GPHN: variants seen among roughly 807,000 people sequenced by gnomAD.
GPHN encodes gephyrin.
GPHN carries 17 observed loss-of-function variants against 95.5 expected under a neutral mutation model. That is an observed-to-expected ratio of 0.18 (90% CI 0.12 to 0.27). The LOEUF is 0.27. GPHN is among the 10% of genes least tolerant of loss of function. The probability of loss-of-function intolerance (pLI) is 1.00; values close to 1 mark genes in which losing one functional copy is unlikely to be tolerated. For missense variants in GPHN, 660 were observed against 978.1 expected (o/e 0.67, Z 4.34); for synonymous variants, 320 against 322.5 (o/e 0.99, Z 0.08).
chr14:67,387,223 T>C, the GPHN span: 620 of 1,104,760 alleles, frequency 5.6e-4, 5 homozygotes, highest in East Asian at 0.015. Flanking sequence ...TCCAAAGCAG[T>C]ACAAAACTTA....
chr14:67,383,019 G>A, the GPHN span, among the ~76,000 whole-genome samples: 16 of 152,070 alleles, frequency 1.1e-4, no homozygotes, highest in South Asian at 3.3e-3. Context: ...TCTATTTGTG[G>A]TCTTGAAAGA....
At chr14:66,789,882 C>T (rs1400644836) in intron 3 of GPHN, among the ~76,000 whole-genome samples, 4 of 152,166 alleles carry the variant, frequency 2.6e-5, no homozygotes, top group Non-Finnish European at 5.9e-5. Flanking sequence ...ATATTTCCTA[C>T]CCAGTTGTTA....
In GPHN at chr14:66,995,119, A is replaced by C. The variant is rs17248021; in HGVS notation, c.964-28514A>C. Among the ~76,000 whole-genome samples the C allele has an allele frequency of 0.015, 2,348 of 152,270 alleles. 151 individuals are homozygous for C. The East Asian group carries it at 0.21, about 14-fold the overall frequency. ...TTTGATACTTCCTGCAGTATTTGTA[A>C]ATAGAGAATACATACTTAACAACTT... On this transcript the variant is annotated intron_variant, in intron 9 of 22. Transcript: ENST00000478722.
intron 1 of GPHN, among the ~76,000 whole-genome samples, chr14:66,679,963 A>G (rs2066843480): frequency 2.0e-5 from 3 of 152,188 alleles, no homozygotes; most frequent in Non-Finnish European, 4.4e-5. Context: ...AATTTTCATC[A>G]TATACCAAAT....
At chr14:66,951,973 A>G (rs1207472154) in intron 8 of GPHN, among the ~76,000 whole-genome samples, 1 of 152,186 alleles carries the variant, frequency 6.6e-6, no homozygotes, top group Admixed American at 6.5e-5. Flanking sequence ...TTTTTACAGA[A>G]CAATGTTTTT....
intron 1 of GPHN, among the ~76,000 whole-genome samples, chr14:66,531,992 G>A (rs1196989275): frequency 2.0e-5 from 3 of 152,124 alleles, no homozygotes; most frequent in Non-Finnish European, 4.4e-5. Flanking sequence ...GCATTATAGT[G>A]TCCCACCGAA....
intron 5 of GPHN, among the ~76,000 whole-genome samples, chr14:66,899,288 T>G (rs1257277313): frequency 2.6e-5 from 4 of 151,908 alleles, no homozygotes; most frequent in African/African-American, 9.7e-5. Flanking sequence ...TAGCTAAAAC[T>G]TCCAGTGCTA....
intron 4 of GPHN, among the ~76,000 whole-genome samples, chr14:66,865,775 A>G (rs2063200863): frequency 6.6e-6 from 1 of 152,156 alleles, no homozygotes; most frequent in Non-Finnish European, 1.5e-5. Context: ...TCTCAATATA[A>G]AATAGTATTG....
the GPHN span, among the ~76,000 whole-genome samples, chr14:67,643,852 TAAAAAAAAAA>T: frequency 2.2e-4 from 18 of 81,216 alleles, no homozygotes; most frequent in East Asian, 8.3e-4. Context: ...TCCTTGGGAG[TAAAAAAAAAA>T]AAAAAAAAAA....
At chr14:66,723,288 TTATAAA>T (rs2070925396) in intron 2 of GPHN, among the ~76,000 whole-genome samples, 1 of 94,368 alleles carries the variant, frequency 1.1e-5, no homozygotes, top group Non-Finnish European at 1.6e-5. Flanking sequence ...GTTTATAACT[TTATAAA>T]TATAAACTTT....
chr14:66,911,586 C>T (rs867106140), intron 5 of GPHN, among the ~76,000 whole-genome samples: 2 of 151,918 alleles, frequency 1.3e-5, no homozygotes, highest in Non-Finnish European at 2.9e-5. Context: ...GTAGTAGGCA[C>T]ATCAGTGGGA....
At chr14:67,668,839 A>T in the GPHN span, among the ~76,000 whole-genome samples, 2 of 152,230 alleles carry the variant, frequency 1.3e-5, no homozygotes, top group Non-Finnish European at 2.9e-5. Flanking sequence ...ATGCTGATGC[A>T]GCTGGTTCAT....
At chr14:66,896,922 T>A (rs1314773020) in intron 5 of GPHN, among the ~76,000 whole-genome samples, 1 of 152,172 alleles carries the variant, frequency 6.6e-6, no homozygotes, top group Admixed American at 6.6e-5. Flanking sequence ...GAACACTGCT[T>A]AGTTTCTCAT....
intron 8 of GPHN, among the ~76,000 whole-genome samples, chr14:66,947,564 T>C (rs115429443): frequency 1.5e-3 from 227 of 152,318 alleles, no homozygotes; most frequent in African/African-American, 5.2e-3. Flanking sequence ...TGAAAACATA[T>C]GATGCATCAT....
At chr14:67,724,980 T>C in the GPHN span, 1 of 1,170,730 alleles carries the variant, frequency 8.5e-7, no homozygotes, top group South Asian at 1.2e-5. Flanking sequence ...ATGTTCACTC[T>C]ACCGTTGAAG....
intron 2 of GPHN, among the ~76,000 whole-genome samples, chr14:66,703,935 A>G: frequency 6.6e-6 from 1 of 151,650 alleles, no homozygotes; most frequent in Non-Finnish European, 1.5e-5. Flanking sequence ...AAAAGGATGG[A>G]GGAAAATACA....
intron 3 of GPHN, among the ~76,000 whole-genome samples, chr14:66,818,814 CGTT>C (rs970747811): frequency 2.0e-5 from 3 of 151,954 alleles, no homozygotes; most frequent in African/African-American, 4.8e-5. Flanking sequence ...GATGATATCT[CGTT>C]GTTTTGATTT....
chr14:67,448,634 G>A, the GPHN span, among the ~76,000 whole-genome samples: 1 of 152,066 alleles, frequency 6.6e-6, no homozygotes, highest in Admixed American at 6.5e-5. Context: ...GAGGGATGGT[G>A]GGGGGCTGTG....
chr14:66,915,791 C>A (rs1224264146), intron 5 of GPHN, among the ~76,000 whole-genome samples: 1 of 152,138 alleles, frequency 6.6e-6, no homozygotes, highest in Non-Finnish European at 1.5e-5. Flanking sequence ...ACATTCAGTA[C>A]ATTTTTTCCA....
Sources: allele counts gnomAD v4.1 joint callset (sites outside exome capture counted in the v4.1 genomes callset), GRCh38; gene constraint gnomAD v4.1.1; transcripts MANE v1.5; gene names NCBI Gene and HGNC (gene_info 2026-07-23, HGNC 2026-07-21).